Variants in PRSS12 observed in about 807,000 individuals in gnomAD.
PRSS12 encodes neurotrypsin.
In PRSS12, 85 loss-of-function variants were observed where a neutral mutation model predicts 104.4. The observed-to-expected ratio is 0.81, with a 90% CI of 0.68 to 0.98. The LOEUF is 0.98. PRSS12 is among the 50% of genes least tolerant of loss of function. The pLI, the probability that PRSS12 is intolerant of heterozygous loss-of-function variation, is 0.00. For synonymous variants in PRSS12, 454 were observed against 425.2 expected (o/e 1.07, Z -0.83); for missense variants, 1,141 against 1,139.2 (o/e 1.00, Z -0.02).
At position 118,280,044 on chromosome 4, in the gene PRSS12, G is replaced by A. The variant is rs944266930; in HGVS notation, c.*1892C>T. On this transcript the variant is annotated 3_prime_UTR_variant, in exon 13 of 13. Coordinates refer to ENST00000296498, the MANE Select transcript of PRSS12 (RefSeq NM_003619.4). The stretch of plus-strand genomic sequence containing the variant: ...CAAAAATTTAAGGCAGTTATACAAG[G>A]TGGAAAATTATGTATTTATTTACAC... The A allele has an allele frequency of 6.6e-6, 1 of 152,186 alleles. No individual in the cohort carries two copies. The highest frequency in any genetic ancestry group is 2.4e-5 in the African/African-American group (1 of 41,442). The allele number at this position is 152,186 out of a possible 1,614,324, so 9.4% of individuals were successfully genotyped here.
chr4:118,313,346 T>C lies in PRSS12; in HGVS notation c.1344A>G (p.Ile448Met), dbSNP rs1168803399. 6.2e-7 allele frequency: 1 copy of C among 1,614,094 alleles called. No individual in the cohort carries two copies. The highest frequency in any genetic ancestry group is 1.1e-5 in the South Asian group (1 of 91,082). ...CTGAGCAGCTGACGTCATCCAACCA[T>C]ATGGGCCCTGTGCTTTCTTCAAAAT... is the stretch of plus-strand genomic sequence containing the variant. Reference protein sequence around the residue: ...ANHFEESTGPIWLDDVSCSGK... With the variant: ...ANHFEESTGPMWLDDVSCSGK... Residue 448 changes from isoleucine (I) to methionine (M), a missense_variant, in exon 7 of 13, where the codon ATA becomes ATG. By Grantham distance (10) the Ile-to-Met change is conservative. Transcript: ENST00000296498.
chr4:118,312,124 T>C (rs1743750547), intron 7 of PRSS12, among the ~76,000 whole-genome samples: 1 of 152,192 alleles, frequency 6.6e-6, no homozygotes, highest in Non-Finnish European at 1.5e-5. Flanking sequence ...AATGCTAGAT[T>C]AATGCAGTGT....
chr4:118,319,093 T>C (rs1238689148), intron 4 of PRSS12, among the ~76,000 whole-genome samples: 2 of 152,172 alleles, frequency 1.3e-5, no homozygotes, highest in Non-Finnish European at 2.9e-5. Flanking sequence ...ATAGTCTCAC[T>C]CTGTCACCCA....
chr4:118,291,985 G>C (rs957745087), intron 11 of PRSS12, among the ~76,000 whole-genome samples: 1 of 151,934 alleles, frequency 6.6e-6, no homozygotes, highest in African/African-American at 2.4e-5. Context: ...TGGAGGACCA[G>C]TCAATAAGTG....
chr4:118,321,333 T>C (rs1029320905), intron 4 of PRSS12, among the ~76,000 whole-genome samples: 1 of 152,220 alleles, frequency 6.6e-6, no homozygotes, highest in African/African-American at 2.4e-5. Context: ...AAGAGTGCAC[T>C]AATCATGTAT....
chr4:118,321,762 G>A (rs765628232), intron 4 of PRSS12, among the ~76,000 whole-genome samples: 1 of 152,164 alleles, frequency 6.6e-6, no homozygotes, highest in Non-Finnish European at 1.5e-5. Context: ...GTAAAGTTGG[G>A]GGAATGGTAA....
chr4:118,314,952 T>C (rs1349689950), intron 6 of PRSS12, among the ~76,000 whole-genome samples: 2 of 152,122 alleles, frequency 1.3e-5, no homozygotes, highest in African/African-American at 2.4e-5. Flanking sequence ...TTCACTTAAA[T>C]ATAAAGTGAT....
At chr4:118,300,331 C>T (rs572755516) in intron 8 of PRSS12, among the ~76,000 whole-genome samples, 6 of 151,792 alleles carry the variant, frequency 4.0e-5, no homozygotes, top group South Asian at 2.1e-4. Context: ...CAATTTTTAA[C>T]GGAGACAGAG....
chr4:118,331,770 T>C lies in PRSS12; in HGVS notation c.917A>G (p.Asp306Gly), dbSNP rs755549541. The C allele has an allele frequency of 6.2e-7, 1 of 1,614,182 alleles. No individual in the cohort carries two copies. Among genetic ancestry groups the C allele is most frequent in the East Asian group, 2.2e-5 (1 of 44,878 alleles). Residue 306 changes from aspartate to glycine, a missense_variant, in exon 4 of 13, where the codon GAT becomes GGT. Coordinates refer to ENST00000296498, the MANE Select transcript of PRSS12 (RefSeq NM_003619.4). ...TGCATCGGCATCATCCCATTGGTCA[T>C]CACAAACGGTTCCCCACTGGCCAGC... ...YHAGQWGTVC[D>G]DQWDDADAEV...
chr4:118,282,271 G>T, intron 12 of PRSS12, 28 bp from the exon 13 acceptor site: 1 of 1,613,038 alleles, frequency 6.2e-7, no homozygotes, highest in Non-Finnish European at 8.5e-7. Context: ...CTGATTAGTG[G>T]CATTCCAGAT....
At chr4:118,331,203 T>C (rs749684503) in intron 4 of PRSS12, among the ~76,000 whole-genome samples, 9 of 152,310 alleles carry the variant, frequency 5.9e-5, no homozygotes, top group African/African-American at 9.6e-5. Context: ...ACCTGGAATG[T>C]TGATTTTCAG....
At chr4:118,316,078 C>T (rs540536458) in intron 6 of PRSS12, 104 bp downstream of exon 6, 5 of 1,273,834 alleles carry the variant, frequency 3.9e-6, no homozygotes, top group East Asian at 5.1e-5. Flanking sequence ...TAGGAGAGAA[C>T]AGGTATTTTT....
intron 2 of PRSS12, among the ~76,000 whole-genome samples, chr4:118,337,670 C>T (rs993363709): frequency 6.6e-6 from 1 of 152,054 alleles, no homozygotes; most frequent in Non-Finnish European, 1.5e-5. Flanking sequence ...GACAAGGGCA[C>T]AGGTAAACAT....
At chr4:118,324,665 C>A (rs1199526933) in intron 4 of PRSS12, among the ~76,000 whole-genome samples, 1 of 152,036 alleles carries the variant, frequency 6.6e-6, no homozygotes, top group Non-Finnish European at 1.5e-5. Flanking sequence ...TTTAAATCCT[C>A]TCTGAAAACA....
intron 8 of PRSS12, among the ~76,000 whole-genome samples, chr4:118,299,217 G>C (rs1362502313): frequency 1.3e-5 from 2 of 152,034 alleles, no homozygotes; most frequent in African/African-American, 4.8e-5. Flanking sequence ...AATCATGATA[G>C]TCTTTAACTC....
At chr4:118,283,351 T>A (rs1386847013) in intron 11 of PRSS12, among the ~76,000 whole-genome samples, 1 of 152,190 alleles carries the variant, frequency 6.6e-6, no homozygotes, top group Non-Finnish European at 1.5e-5. Context: ...ATGTGGAGGA[T>A]GAGTGGAAAA....
intron 8 of PRSS12, among the ~76,000 whole-genome samples, chr4:118,302,677 G>A (rs964243020): frequency 4.6e-5 from 7 of 152,226 alleles, no homozygotes; most frequent in East Asian, 1.9e-4. Flanking sequence ...TCTGCCCGCC[G>A]CGGCCTCCCA....
chr4:118,292,296 C>G (rs954947284), intron 11 of PRSS12, among the ~76,000 whole-genome samples: 4 of 152,178 alleles, frequency 2.6e-5, no homozygotes, highest in African/African-American at 9.6e-5. Flanking sequence ...CATCATTCTT[C>G]AACTACGTCT....
chr4:118,285,129 C>A (rs1366564598), intron 11 of PRSS12, among the ~76,000 whole-genome samples: 2 of 152,098 alleles, frequency 1.3e-5, no homozygotes, highest in Non-Finnish European at 2.9e-5. Flanking sequence ...GCTTATATAG[C>A]CACCTACTGT....
Sources: gnomAD v4.1 joint callset for allele counts (sites outside exome capture counted in the v4.1 genomes callset) on GRCh38, gnomAD v4.1.1 for gene constraint, MANE v1.5 for transcripts, NCBI Gene and HGNC (gene_info 2026-07-23, HGNC 2026-07-21) for gene names.